Variants in GRIK2 observed in about 807,000 individuals in gnomAD.
The protein encoded by GRIK2 is glutamate receptor ionotropic, kainate 2.
GRIK2 carries 32 observed loss-of-function variants against 100.3 expected under a neutral mutation model. That is an observed-to-expected ratio of 0.32 (90% CI 0.24 to 0.43). The LOEUF (loss-of-function observed/expected upper bound fraction) is 0.43. GRIK2 is among the 20% of genes least tolerant of loss of function. The pLI, the probability that GRIK2 is intolerant of heterozygous loss-of-function variation, is 1.00. For synonymous variants in GRIK2, 417 were observed against 389.4 expected (o/e 1.07, Z -0.83); for missense variants, 843 against 1,114.9 (o/e 0.76, Z 3.47).
At chr6:101,853,280 T>C (rs1428520954) in intron 10 of GRIK2, among the ~76,000 whole-genome samples, 1 of 152,170 alleles carries the variant, frequency 6.6e-6, no homozygotes, top group African/African-American at 2.4e-5. Flanking sequence ...TCTTTGAAAA[T>C]TTAAATGTCA....
intron 7 of GRIK2, among the ~76,000 whole-genome samples, chr6:101,742,213 G>A (rs1306004120): frequency 1.3e-5 from 2 of 152,290 alleles, no homozygotes; most frequent in South Asian, 2.1e-4. Context: ...TGCCTGTTAC[G>A]CAGTATGCCA....
intron 7 of GRIK2, among the ~76,000 whole-genome samples, chr6:101,791,928 T>C (rs1232310685): frequency 6.6e-6 from 1 of 152,112 alleles, no homozygotes; most frequent in Non-Finnish European, 1.5e-5. Flanking sequence ...TAGTTATCTC[T>C]TCTTGTTGAA....
chr6:101,519,202 A>G (rs1028694660), intron 2 of GRIK2, among the ~76,000 whole-genome samples: 10 of 152,086 alleles, frequency 6.6e-5, no homozygotes, highest in Non-Finnish European at 2.9e-5. Flanking sequence ...ATATAAATGA[A>G]GAGTAGAGAC....
chr6:101,825,980 A>T (rs755159291), intron 10 of GRIK2, among the ~76,000 whole-genome samples: 1 of 152,114 alleles, frequency 6.6e-6, no homozygotes, highest in Non-Finnish European at 1.5e-5. Context: ...CTCCACATGC[A>T]TCAAACCTCC....
chr6:101,418,271 TA>T (rs1374156255), intron 2 of GRIK2, among the ~76,000 whole-genome samples: 1 of 152,198 alleles, frequency 6.6e-6, no homozygotes, highest in Non-Finnish European at 1.5e-5. Context: ...CATTTAAACA[TA>T]ATCCTAGAAT....
At chr6:101,436,496 G>A (rs1769720786) in intron 2 of GRIK2, among the ~76,000 whole-genome samples, 1 of 151,952 alleles carries the variant, frequency 6.6e-6, no homozygotes, top group African/African-American at 2.4e-5. Context: ...GAATAGAGTG[G>A]GGGTGTGGTA....
At chr6:101,903,805 G>A (rs981705520) in intron 12 of GRIK2, among the ~76,000 whole-genome samples, 3 of 151,464 alleles carry the variant, frequency 2.0e-5, no homozygotes, top group South Asian at 2.1e-4. Context: ...ATAATAGTTG[G>A]TAAATTGATA....
At chr6:101,615,082 A>G (rs1489455066) in intron 2 of GRIK2, among the ~76,000 whole-genome samples, 1 of 151,772 alleles carries the variant, frequency 6.6e-6, no homozygotes, top group Non-Finnish European at 1.5e-5. Flanking sequence ...TTGGTTTCCT[A>G]TATCTACAAA....
chr6:101,936,628 T>C (rs1256387604), intron 14 of GRIK2, among the ~76,000 whole-genome samples: 1 of 152,102 alleles, frequency 6.6e-6, no homozygotes, highest in African/African-American at 2.4e-5. Flanking sequence ...TACAGGGATT[T>C]GCATAAGGAC....
rs567903423 is a variant in GRIK2, at chr6:101,595,669, CATAA to C, written c.116-26276_116-26273del. 1.3e-4 allele frequency among the ~76,000 whole-genome samples: 19 copies of C among 147,718 alleles called. No individual in the cohort carries two copies. In the South Asian group the frequency reaches 3.8e-3, roughly 30 times the overall value. On this transcript the variant is annotated intron_variant, in intron 2 of 16. Coordinates refer to ENST00000369134, the MANE Select transcript of GRIK2 (RefSeq NM_021956.5). Reference sequence around the variant, plus strand: ...ATATATAAACACATATTTATATACACATAAATATATTTGTGCATGTATATATATA... The same window carrying C: ...ATATATAAACACATATTTATATACACATATATTTGTGCATGTATATATATA...
chr6:102,066,732 T>C (rs1180175676), intron 16 of GRIK2, among the ~76,000 whole-genome samples: 2 of 151,594 alleles, frequency 1.3e-5, no homozygotes, highest in African/African-American at 4.8e-5. Context: ...GAAGTCATGA[T>C]GGAAAAAAAT....
chr6:101,434,733 C>T (rs140232849), intron 2 of GRIK2, among the ~76,000 whole-genome samples: 1,670 of 152,166 alleles, frequency 0.011, 17 homozygotes, highest in Admixed American at 0.018. Context: ...GTCACACACC[C>T]GGTCCCTCAT....
chr6:101,793,988 C>A (rs1780095348), intron 7 of GRIK2, among the ~76,000 whole-genome samples: 1 of 152,170 alleles, frequency 6.6e-6, no homozygotes, highest in Non-Finnish European at 1.5e-5. Flanking sequence ...ATCAGCGAGA[C>A]TCCATGGGCG....
intron 12 of GRIK2, among the ~76,000 whole-genome samples, chr6:101,920,501 G>T (rs932585817): frequency 1.3e-5 from 2 of 151,880 alleles, no homozygotes; most frequent in Admixed American, 6.6e-5. Context: ...TTTTAGCTGG[G>T]CATCAATGTT....
intron 11 of GRIK2, among the ~76,000 whole-genome samples, chr6:101,882,679 G>T (rs886078378): frequency 6.6e-6 from 1 of 151,850 alleles, no homozygotes; most frequent in Non-Finnish European, 1.5e-5. Flanking sequence ...GTAACTACTT[G>T]GTTTGGTGAA....
intron 2 of GRIK2, among the ~76,000 whole-genome samples, chr6:101,455,854 G>A (rs1272393404): frequency 2.0e-5 from 3 of 152,050 alleles, no homozygotes; most frequent in Non-Finnish European, 2.9e-5. Flanking sequence ...GGCTGAATGG[G>A]ATCTGATTGT....
chr6:101,995,686 T>A (rs577822981), intron 14 of GRIK2, among the ~76,000 whole-genome samples: 3 of 151,906 alleles, frequency 2.0e-5, no homozygotes, highest in African/African-American at 7.2e-5. Flanking sequence ...ATAATACATA[T>A]GCGAGATGTG....
intron 15 of GRIK2, among the ~76,000 whole-genome samples, chr6:102,046,255 T>TTAA (rs1369961356): frequency 2.6e-5 from 4 of 152,068 alleles, no homozygotes; most frequent in Non-Finnish European, 5.9e-5. Context: ...CCCACTTTTA[T>TTAA]TAATAGGTAA....
At chr6:101,603,166 T>C (rs1342603728) in intron 2 of GRIK2, among the ~76,000 whole-genome samples, 1 of 138,140 alleles carries the variant, frequency 7.2e-6, no homozygotes, top group Non-Finnish European at 1.6e-5. Context: ...GGATGTAAAA[T>C]AGACCTAAGA....
Sources: allele counts gnomAD v4.1 joint callset (sites outside exome capture counted in the v4.1 genomes callset), GRCh38; gene constraint gnomAD v4.1.1; transcripts MANE v1.5; gene names NCBI Gene and HGNC (gene_info 2026-07-23, HGNC 2026-07-21).